Variants in PACRG observed in about 807,000 individuals in gnomAD.
The protein encoded by PACRG is parkin coregulated gene protein.
In PACRG, 29 loss-of-function variants were observed where a neutral mutation model predicts 29.7. The ratio of observed to expected loss-of-function variants is 0.98; its 90% CI spans 0.73 to 1.33. The LOEUF (loss-of-function observed/expected upper bound fraction) is 1.33, where lower values mean the gene tolerates loss of function less well. Ranked by LOEUF, PACRG falls within the 40% of genes most tolerant of loss-of-function variation. The probability of loss-of-function intolerance (pLI) is 0.00; values close to 1 mark genes in which losing one functional copy is unlikely to be tolerated. For synonymous variants in PACRG, 116 were observed against 118.7 expected (o/e 0.98, Z 0.15); for missense variants, 279 against 316.2 (o/e 0.88, Z 0.89).
intron 4 of PACRG, among the ~76,000 whole-genome samples, chr6:163,244,545 C>G (rs1782622660): frequency 6.6e-6 from 1 of 152,170 alleles, no homozygotes; most frequent in Non-Finnish European, 1.5e-5. Flanking sequence ...CAGCACTGAC[C>G]ATATTTCCTC....
At chr6:162,788,342 G>T (rs947161555) in intron 1 of PACRG, among the ~76,000 whole-genome samples, 1 of 152,064 alleles carries the variant, frequency 6.6e-6, no homozygotes, top group Non-Finnish European at 1.5e-5. Flanking sequence ...TGGCTTGATA[G>T]CTCATTTGTT....
intron 1 of PACRG, among the ~76,000 whole-genome samples, chr6:162,801,806 C>T (rs1239616029): frequency 6.6e-6 from 1 of 151,986 alleles, no homozygotes; most frequent in Non-Finnish European, 1.5e-5. Context: ...TTAATAACTA[C>T]TTAAATTTAT....
intron 1 of PACRG, among the ~76,000 whole-genome samples, chr6:162,751,726 G>A (rs991065641): frequency 6.6e-6 from 1 of 152,148 alleles, no homozygotes; most frequent in African/African-American, 2.4e-5. Flanking sequence ...TTGTGTTACT[G>A]TGGAAACTGG....
intron 2 of PACRG, among the ~76,000 whole-genome samples, chr6:162,958,010 C>T (rs1251730351): frequency 6.6e-6 from 1 of 152,156 alleles, no homozygotes; most frequent in African/African-American, 2.4e-5. Flanking sequence ...TGATATAAAA[C>T]ATGCTTATGC....
intron 2 of PACRG, among the ~76,000 whole-genome samples, chr6:162,981,750 A>G (rs1369786592): frequency 6.6e-6 from 1 of 151,930 alleles, no homozygotes; most frequent in African/African-American, 2.4e-5. Flanking sequence ...GAAGTCTTTC[A>G]TGTCCTTGAT....
At chr6:162,997,613 G>C (rs532811920) in intron 2 of PACRG, 1 of 283,848 alleles carries the variant, frequency 3.5e-6, no homozygotes, top group Non-Finnish European at 7.0e-6. Flanking sequence ...TGAAAGCAAC[G>C]CAGTGGTAAA....
intron 4 of PACRG, among the ~76,000 whole-genome samples, chr6:163,108,790 A>G (rs974389990): frequency 1.3e-5 from 2 of 152,220 alleles, no homozygotes; most frequent in African/African-American, 4.8e-5. Context: ...AACACTGTCC[A>G]TACAAATACA....
intron 4 of PACRG, among the ~76,000 whole-genome samples, chr6:163,212,496 T>C (rs573785080): frequency 1.3e-5 from 2 of 152,044 alleles, no homozygotes; most frequent in Non-Finnish European, 2.9e-5. Context: ...AGAAAGAAAA[T>C]GCTTAAAGAG....
At chr6:163,160,584 A>C (rs987703905) in intron 4 of PACRG, among the ~76,000 whole-genome samples, 1 of 152,178 alleles carries the variant, frequency 6.6e-6, no homozygotes, top group Non-Finnish European at 1.5e-5. Flanking sequence ...TTTTATACCA[A>C]ATTTTAACAA....
At chr6:163,275,169 C>T (rs1783983103) in intron 4 of PACRG, among the ~76,000 whole-genome samples, 1 of 152,120 alleles carries the variant, frequency 6.6e-6, no homozygotes. Flanking sequence ...CCACCATGCC[C>T]AGCCCTTATT....
chr6:162,732,743 T>C (rs1387828124), intron 1 of PACRG, among the ~76,000 whole-genome samples: 1 of 152,198 alleles, frequency 6.6e-6, no homozygotes, highest in East Asian at 1.9e-4. Flanking sequence ...TATCAATTGG[T>C]TGACTCCCTC....
At chr6:162,829,420 A>T (rs1788550719) in intron 2 of PACRG, among the ~76,000 whole-genome samples, 1 of 152,246 alleles carries the variant, frequency 6.6e-6, no homozygotes. Flanking sequence ...AGTATTAAAG[A>T]CGTGCACTAT....
chr6:162,956,936 G>A (rs1800092574), intron 2 of PACRG, among the ~76,000 whole-genome samples: 1 of 151,996 alleles, frequency 6.6e-6, no homozygotes, highest in Admixed American at 6.6e-5. Flanking sequence ...ATATTTCTTT[G>A]TATCATTCAT....
chr6:162,814,124 C>T (rs1425533395), intron 1 of PACRG, 23 bp from the exon 2 acceptor site: 3 of 1,589,372 alleles, frequency 1.9e-6, no homozygotes, highest in East Asian at 4.5e-5. Context: ...AACCTGATCC[C>T]TATTTTTTTT....
intron 2 of PACRG, among the ~76,000 whole-genome samples, chr6:162,873,454 C>A (rs1185837698): frequency 6.6e-6 from 1 of 152,148 alleles, no homozygotes. Context: ...TGCTGTAGGT[C>A]AGCAAGACAT....
intron 1 of PACRG, among the ~76,000 whole-genome samples, chr6:162,787,474 T>C (rs537619741): frequency 1.6e-4 from 24 of 149,786 alleles, no homozygotes; most frequent in Admixed American, 1.5e-3. Flanking sequence ...TGTATATAGT[T>C]ATATATGTAT....
At chr6:163,040,008 G>T (rs1490068577) in intron 2 of PACRG, among the ~76,000 whole-genome samples, 1 of 152,228 alleles carries the variant, frequency 6.6e-6, no homozygotes, top group African/African-American at 2.4e-5. Flanking sequence ...TCCAGGACAT[G>T]TCAGAGATCT....
chr6:162,985,600 A>G (rs574138300), intron 2 of PACRG, among the ~76,000 whole-genome samples: 6 of 152,110 alleles, frequency 3.9e-5, no homozygotes, highest in Non-Finnish European at 5.9e-5. Context: ...AGCCAACATT[A>G]TACTGAATGG....
At chr6:162,838,008 A>G (rs1416386292) in intron 2 of PACRG, among the ~76,000 whole-genome samples, 1 of 152,194 alleles carries the variant, frequency 6.6e-6, no homozygotes, top group Non-Finnish European at 1.5e-5. Context: ...AAAATTAGAT[A>G]ATATAGAAAA....
Sources: gnomAD v4.1 joint callset for allele counts (sites outside exome capture counted in the v4.1 genomes callset) on GRCh38, gnomAD v4.1.1 for gene constraint, MANE v1.5 for transcripts, NCBI Gene and HGNC (gene_info 2026-07-23, HGNC 2026-07-21) for gene names.